Variants in TMEM178B observed in about 807,000 individuals in gnomAD.
TMEM178B encodes the protein transmembrane protein 178B.
Under a neutral mutation model 31.0 loss-of-function variants are expected in TMEM178B, and 5 were observed. The observed-to-expected ratio is 0.16, with a 90% CI of 0.08 to 0.34. TMEM178B has a LOEUF of 0.34. TMEM178B is among the 10% of genes least tolerant of loss of function. The pLI, the probability that TMEM178B is intolerant of heterozygous loss-of-function variation, is 1.00. For synonymous variants in TMEM178B, 164 were observed against 164.0 expected, an observed-to-expected ratio of 1.00 and a Z score of 0.00; for missense variants, 275 against 400.3, an observed-to-expected ratio of 0.69 and a Z score of 2.67.
At chr7:141,365,585 A>G (rs1218491580) in intron 2 of TMEM178B, among the ~76,000 whole-genome samples, 2 of 152,180 alleles carry the variant, frequency 1.3e-5, no homozygotes, top group African/African-American at 4.8e-5. Flanking sequence ...ATGTCACCAT[A>G]AGTTTCTGTT....
At chr7:141,451,401 T>G (rs1484656203) in intron 3 of TMEM178B, among the ~76,000 whole-genome samples, 1 of 152,228 alleles carries the variant, frequency 6.6e-6, no homozygotes. Context: ...CTACCTTCTT[T>G]GCAGTTCCTA....
At chr7:141,283,432 CCTT>C (rs1312504463) in intron 2 of TMEM178B, among the ~76,000 whole-genome samples, 1 of 152,186 alleles carries the variant, frequency 6.6e-6, no homozygotes, top group Non-Finnish European at 1.5e-5. Flanking sequence ...GCAGTGGCTT[CCTT>C]CTTAAACATT....
chr7:141,479,687 T>C lies in TMEM178B; in HGVS notation c.*8901T>C, dbSNP rs1586988807. The C allele has an allele frequency of 1.3e-5, 2 of 152,390 alleles. No homozygotes were observed. Among genetic ancestry groups the C allele is most frequent in the East Asian group, 1.9e-4 (1 of 5,188 alleles). 9.4% of individuals were successfully genotyped at this position (152,390 alleles called of 1,614,324 possible). ...ATGAGCTGATTTGGTGAGTATGTTT[T>C]ATATATGGTCATTAGACAGGGACCA... On this transcript the variant is annotated 3_prime_UTR_variant, in exon 4 of 4. Coordinates refer to ENST00000565468, the MANE Select transcript of TMEM178B (RefSeq NM_001195278.2).
chr7:141,492,218 G>A, the TMEM178B span, among the ~76,000 whole-genome samples: 54 of 152,118 alleles, frequency 3.5e-4, no homozygotes, highest in African/African-American at 9.9e-4. Flanking sequence ...CCTCTGCTGC[G>A]CACAGTCTCC....
chr7:141,259,223 G>T (rs1420777502), intron 2 of TMEM178B, among the ~76,000 whole-genome samples: 3 of 152,098 alleles, frequency 2.0e-5, no homozygotes, highest in African/African-American at 4.8e-5. Context: ...TCTGCCATAT[G>T]ATATACTCTT....
At chr7:141,235,941 G>A (rs1367780511) in intron 2 of TMEM178B, among the ~76,000 whole-genome samples, 2 of 152,156 alleles carry the variant, frequency 1.3e-5, no homozygotes, top group Admixed American at 6.5e-5. Context: ...TCCCAGTCCT[G>A]GATGTGGGAT....
intron 1 of TMEM178B, among the ~76,000 whole-genome samples, chr7:141,100,484 G>A (rs748203050): frequency 6.6e-6 from 1 of 152,140 alleles, no homozygotes; most frequent in Non-Finnish European, 1.5e-5. Context: ...GTGGAGGAGA[G>A]ACAGGAAAAC....
intron 2 of TMEM178B, among the ~76,000 whole-genome samples, chr7:141,361,573 C>G (rs890943485): frequency 3.3e-5 from 5 of 152,176 alleles, no homozygotes; most frequent in African/African-American, 1.2e-4. Flanking sequence ...AATTAGCCAT[C>G]CTGGCAATAT....
intron 1 of TMEM178B, among the ~76,000 whole-genome samples, chr7:141,126,947 G>T (rs1036815830): frequency 6.6e-6 from 1 of 152,064 alleles, no homozygotes; most frequent in Admixed American, 6.6e-5. Flanking sequence ...GTTGCAAAGT[G>T]TGGAGGCTGT....
chr7:141,290,519 TCACACACATACACATGTGCA>T (rs79279334), intron 2 of TMEM178B, among the ~76,000 whole-genome samples: 41,293 of 151,922 alleles, frequency 0.27, 7,394 homozygotes, highest in Non-Finnish European at 0.4. Flanking sequence ...CATTCCTCCT[TCACACACATACACATGTGCA>T]CACACACATA....
intron 1 of TMEM178B, among the ~76,000 whole-genome samples, chr7:141,111,016 T>C (rs1371410498): frequency 6.6e-6 from 1 of 152,206 alleles, no homozygotes; most frequent in Non-Finnish European, 1.5e-5. Flanking sequence ...GAAGTAAACA[T>C]CTGTTGTTTA....
At chr7:141,416,747 A>G (rs1032649369) in intron 2 of TMEM178B, among the ~76,000 whole-genome samples, 4 of 152,228 alleles carry the variant, frequency 2.6e-5, no homozygotes, top group African/African-American at 9.6e-5. Flanking sequence ...CAGAACAAAG[A>G]CAACATCAAG....
chr7:141,131,155 C>T (rs965854283), intron 1 of TMEM178B, among the ~76,000 whole-genome samples: 1 of 152,126 alleles, frequency 6.6e-6, no homozygotes, highest in African/African-American at 2.4e-5. Context: ...GCATTTGCTG[C>T]AAAACTCTCT....
At chr7:141,457,615 C>T (rs59255914) in intron 3 of TMEM178B, among the ~76,000 whole-genome samples, 10,589 of 152,190 alleles carry the variant, frequency 0.07, 1,012 homozygotes, top group African/African-American at 0.21. Flanking sequence ...AATAAAAATG[C>T]CACTCTCACA....
intron 3 of TMEM178B, among the ~76,000 whole-genome samples, chr7:141,457,151 G>A (rs1357468118): frequency 6.6e-6 from 1 of 152,116 alleles, no homozygotes; most frequent in African/African-American, 2.4e-5. Flanking sequence ...TTCCCCTGGA[G>A]GATTGTTTTT....
chr7:141,282,363 A>G (rs1453284611), intron 2 of TMEM178B, among the ~76,000 whole-genome samples: 1 of 152,222 alleles, frequency 6.6e-6, no homozygotes, highest in Admixed American at 6.5e-5. Flanking sequence ...AACAGACTGC[A>G]GTGGTTGGAG....
intron 2 of TMEM178B, among the ~76,000 whole-genome samples, chr7:141,228,340 A>C (rs1320625581): frequency 6.6e-6 from 1 of 151,926 alleles, no homozygotes; most frequent in Non-Finnish European, 1.5e-5. Context: ...ACAATTCTCA[A>C]CTTCACTAAT....
At chr7:141,247,460 A>G (rs1340090870) in intron 2 of TMEM178B, among the ~76,000 whole-genome samples, 4 of 152,184 alleles carry the variant, frequency 2.6e-5, no homozygotes, top group Non-Finnish European at 5.9e-5. Flanking sequence ...GGACCCTGAA[A>G]TGGGCTTAAG....
intron 1 of TMEM178B, among the ~76,000 whole-genome samples, chr7:141,187,660 T>A (rs940045773): frequency 5.3e-5 from 8 of 152,230 alleles, no homozygotes; most frequent in African/African-American, 1.4e-4. Flanking sequence ...GGTATCTCAT[T>A]GTGGTTTTGA....
Sources: gnomAD v4.1 joint callset for allele counts (sites outside exome capture counted in the v4.1 genomes callset) on GRCh38, gnomAD v4.1.1 for gene constraint, MANE v1.5 for transcripts, NCBI Gene and HGNC (gene_info 2026-07-23, HGNC 2026-07-21) for gene names.